Variants in RANBP2 observed in about 807,000 individuals in gnomAD.
RANBP2 encodes E3 SUMO-protein ligase RanBP2.
Under a neutral mutation model 303.6 loss-of-function variants are expected in RANBP2, and 57 were observed. That is an observed-to-expected ratio of 0.19 (90% CI 0.15 to 0.23). RANBP2 has a LOEUF of 0.23. Among genes scored for constraint, RANBP2 ranks in the 10% least tolerant of loss-of-function variants. The pLI is 1.00. For missense variants in RANBP2, 3,138 were observed against 3,780.8 expected, an observed-to-expected ratio of 0.83 and a Z score of 4.46; for synonymous variants, 1,167 against 1,301.5, an observed-to-expected ratio of 0.90 and a Z score of 2.23.
chr2:109,126,273 G>C, the RANBP2 span, among the ~76,000 whole-genome samples: 153 of 152,338 alleles, frequency 1.0e-3, no homozygotes, highest in African/African-American at 3.3e-3. Context: ...AAAGTGGAGA[G>C]AGAAGAAAGC....
At chr2:109,160,981 G>A in the RANBP2 span, among the ~76,000 whole-genome samples, 9 of 152,144 alleles carry the variant, frequency 5.9e-5, 1 homozygote, top group Middle Eastern at 6.3e-3. Context: ...TCAGAGAGGT[G>A]GGGGATCCCT....
chr2:109,403,183 G>A, the RANBP2 span, among the ~76,000 whole-genome samples: 1 of 152,204 alleles, frequency 6.6e-6, no homozygotes, highest in South Asian at 2.1e-4. Context: ...CAGAGTGCCC[G>A]AGCACCATGA....
At chr2:109,728,710 C>T in the RANBP2 span, among the ~76,000 whole-genome samples, 1,770 of 150,924 alleles carry the variant, frequency 0.012, 20 homozygotes, top group Non-Finnish European at 0.018. Context: ...GCCTTGGCCT[C>T]CCAAAGTGCT....
At chr2:108,910,387 C>T in the RANBP2 span, 2 of 1,258,632 alleles carry the variant, frequency 1.6e-6, no homozygotes, top group Non-Finnish European at 2.3e-6. Context: ...CACTCGGCTG[C>T]ACCCTGGTTC....
chr2:109,712,418 A>C, the RANBP2 span, among the ~76,000 whole-genome samples: 1 of 152,046 alleles, frequency 6.6e-6, no homozygotes, highest in African/African-American at 2.4e-5. Flanking sequence ...CTTTTCCACT[A>C]TAAAAAATTA....
At chr2:109,420,604 C>A in the RANBP2 span, among the ~76,000 whole-genome samples, 1 of 152,114 alleles carries the variant, frequency 6.6e-6, no homozygotes, top group Middle Eastern at 3.2e-3. Context: ...AGCCACCACG[C>A]CTGGCTAAAT....
At chr2:109,097,944 G>T in the RANBP2 span, among the ~76,000 whole-genome samples, 1 of 152,242 alleles carries the variant, frequency 6.6e-6, no homozygotes, top group South Asian at 2.1e-4. Context: ...CCTTGACCAG[G>T]CTGCAGTAGG....
the RANBP2 span, among the ~76,000 whole-genome samples, chr2:109,533,156 G>C: frequency 6.6e-6 from 1 of 152,176 alleles, no homozygotes; most frequent in African/African-American, 2.4e-5. Context: ...GGGAGGAAGG[G>C]AGGAAAGAGG....
chr2:109,131,431 G>A, the RANBP2 span, among the ~76,000 whole-genome samples: 1 of 152,090 alleles, frequency 6.6e-6, no homozygotes, highest in Admixed American at 6.5e-5. Flanking sequence ...TTTGATGTAA[G>A]GTATTTATAA....
chr2:108,928,236 C>A, the RANBP2 span, among the ~76,000 whole-genome samples: 1 of 152,160 alleles, frequency 6.6e-6, no homozygotes, highest in Non-Finnish European at 1.5e-5. Flanking sequence ...TGAACTCTGG[C>A]GTCGGCATCT....
chr2:109,503,885 G>A, the RANBP2 span: 1 of 152,212 alleles, frequency 6.6e-6, no homozygotes, highest in Admixed American at 6.5e-5. Flanking sequence ...CATGCAGCAT[G>A]GTAGAGAGCT....
At chr2:109,102,186 C>T in the RANBP2 span, among the ~76,000 whole-genome samples, 7 of 151,936 alleles carry the variant, frequency 4.6e-5, no homozygotes, top group African/African-American at 1.2e-4. Flanking sequence ...CTGCAAGCTC[C>T]GCCTCCTGGG....
chr2:109,105,321 C>A, the RANBP2 span, among the ~76,000 whole-genome samples: 1 of 152,196 alleles, frequency 6.6e-6, no homozygotes, highest in Non-Finnish European at 1.5e-5. Flanking sequence ...CACACAACTT[C>A]AGTAAACACA....
the RANBP2 span, among the ~76,000 whole-genome samples, chr2:109,744,718 T>C: frequency 1.7e-5 from 1 of 57,360 alleles, no homozygotes; most frequent in African/African-American, 4.1e-5. Flanking sequence ...AAACAACAAT[T>C]ACATATCACT....
At chr2:108,724,202 G>A (rs767974458) in intron 1 of RANBP2, among the ~76,000 whole-genome samples, 4 of 152,102 alleles carry the variant, frequency 2.6e-5, no homozygotes, top group African/African-American at 9.7e-5. Flanking sequence ...TTGCTCTGTT[G>A]CCCAGGCTGG....
chr2:108,965,376 G>T, the RANBP2 span, among the ~76,000 whole-genome samples: 1,188 of 151,808 alleles, frequency 7.8e-3, 10 homozygotes, highest in South Asian at 0.03. Flanking sequence ...AGCTACTCGG[G>T]AGGCTGAGGC....
At chr2:109,259,750 T>A in the RANBP2 span, among the ~76,000 whole-genome samples, 1 of 152,244 alleles carries the variant, frequency 6.6e-6, no homozygotes, top group African/African-American at 2.4e-5. Context: ...TCATGGAGGC[T>A]TCACGTAGGT....
At chr2:108,832,862 G>A in the RANBP2 span, among the ~76,000 whole-genome samples, 3 of 152,130 alleles carry the variant, frequency 2.0e-5, no homozygotes, top group African/African-American at 7.2e-5. Context: ...GCAGTGAGCT[G>A]GAAGTGGAGT....
the RANBP2 span, among the ~76,000 whole-genome samples, chr2:109,303,521 C>A: frequency 6.6e-6 from 1 of 152,168 alleles, no homozygotes; most frequent in Non-Finnish European, 1.5e-5. Context: ...AGTAAGGTGA[C>A]CCTGCAATGG....
Sources: gnomAD v4.1 joint callset for allele counts (sites outside exome capture counted in the v4.1 genomes callset) on GRCh38, gnomAD v4.1.1 for gene constraint, MANE v1.5 for transcripts, NCBI Gene and HGNC (gene_info 2026-07-23, HGNC 2026-07-21) for gene names.